Variants in EMSY observed in about 807,000 individuals in gnomAD.
EMSY encodes EMSY transcriptional repressor, BRCA2 interacting, also known as BRCA2-interacting transcriptional repressor EMSY.
A neutral mutation model predicts 134.6 loss-of-function variants in EMSY; 26 were observed. That is an observed-to-expected ratio of 0.19 (90% CI 0.14 to 0.27). The LOEUF is 0.27. Ranked by LOEUF, EMSY falls within the 10% of genes least tolerant of loss-of-function variation. EMSY has a pLI of 1.00. For synonymous variants in EMSY, 579 were observed against 577.8 expected, an observed-to-expected ratio of 1.00 and a Z score of -0.03; for missense variants, 1,305 against 1,611.4, an observed-to-expected ratio of 0.81 and a Z score of 3.26.
chr11:76,530,547 T>A (rs1290330255), intron 14 of EMSY, among the ~76,000 whole-genome samples: 2 of 152,220 alleles, frequency 1.3e-5, no homozygotes, highest in Non-Finnish European at 2.9e-5. Context: ...GCAGTTGCCA[T>A]TACTTTTAAT....
At chr11:76,493,607 AAG>A (rs1237026022) in intron 8 of EMSY, among the ~76,000 whole-genome samples, 1 of 152,160 alleles carries the variant, frequency 6.6e-6, no homozygotes, top group African/African-American at 2.4e-5. Flanking sequence ...AGACGTGGGG[AAG>A]ATCTGCCTGT....
chr11:76,515,859 G>A (rs1366551098), intron 10 of EMSY, among the ~76,000 whole-genome samples: 1 of 152,208 alleles, frequency 6.6e-6, no homozygotes, highest in Non-Finnish European at 1.5e-5. Flanking sequence ...AAGGGTAGTG[G>A]AAGAAGGGAA....
rs375154102 is a variant in EMSY at position 76,490,183 on chromosome 11, AT to A, written c.1109-6022del. Reference sequence around the variant, plus strand: ...TTCTTTTATTTATTTATTTTTATTGATTTTTTTTTTAAGGATTCCATTTTAT... The same window carrying A: ...TTCTTTTATTTATTTATTTTTATTGATTTTTTTTTAAGGATTCCATTTTAT... On this transcript the variant is annotated intron_variant, in intron 8 of 20. Coordinates refer to ENST00000334736, the Ensembl canonical transcript of EMSY. Among the ~76,000 whole-genome samples the A allele has an allele frequency of 2.7e-4, 40 of 146,304 alleles. 1 individual carries two copies. Among genetic ancestry groups the A allele is most frequent in the African/African-American group, 5.8e-4 (23 of 39,834 alleles).
intron 8 of EMSY, among the ~76,000 whole-genome samples, chr11:76,491,177 CTTTTTTTTTT>C (rs61688457): frequency 2.3e-5 from 3 of 129,916 alleles, no homozygotes; most frequent in African/African-American, 8.6e-5. Context: ...CTTCTTTTTT[CTTTTTTTTTT>C]TTTTTTTTAA....
exon 20 of EMSY, chr11:76,546,294 C>T (rs1951649600): frequency 6.2e-7 from 1 of 1,606,366 alleles, no homozygotes; most frequent in Non-Finnish European, 8.5e-7. Flanking sequence ...AAATTATCAT[C>T]CAGGTAAGAA....
intron 14 of EMSY, among the ~76,000 whole-genome samples, chr11:76,529,365 C>T (rs757824361): frequency 6.6e-6 from 1 of 152,132 alleles, no homozygotes; most frequent in Admixed American, 6.5e-5. Flanking sequence ...ACACAGTCTC[C>T]ATATTGTGCA....
intron 4 of EMSY, chr11:76,454,782 A>G: frequency 6.8e-7 from 1 of 1,467,196 alleles, no homozygotes; most frequent in Non-Finnish European, 9.2e-7. Context: ...GTGAAAGACC[A>G]AGTTACAGGT....
At chr11:76,543,671 C>T (rs567054167) in intron 18 of EMSY, among the ~76,000 whole-genome samples, 1 of 152,178 alleles carries the variant, frequency 6.6e-6, no homozygotes, top group African/African-American at 2.4e-5. Context: ...AGCCAGGGCT[C>T]TGGGATCTGA....
intron 17 of EMSY, among the ~76,000 whole-genome samples, chr11:76,540,155 TA>T (rs960480502): frequency 1.3e-5 from 2 of 152,126 alleles, no homozygotes; most frequent in Non-Finnish European, 2.9e-5. Flanking sequence ...CACTTCTTAA[TA>T]AAAAAATGCT....
At chr11:76,480,031 T>C (rs1231910538) in intron 8 of EMSY, among the ~76,000 whole-genome samples, 1 of 152,204 alleles carries the variant, frequency 6.6e-6, no homozygotes, top group Admixed American at 6.5e-5. Context: ...AAATTTGTGG[T>C]GATAAAGCAT....
intron 14 of EMSY, 93 bp from the exon 16 acceptor site, chr11:76,535,802 G>T: frequency 9.8e-7 from 1 of 1,023,164 alleles, no homozygotes; most frequent in Non-Finnish European, 1.3e-6. Context: ...TAAATAGAAA[G>T]ATAAGCAAAC....
chr11:76,523,655 G>A (rs76049370), intron 12 of EMSY, among the ~76,000 whole-genome samples: 2,451 of 146,042 alleles, frequency 0.017, 47 homozygotes, highest in East Asian at 0.093. Flanking sequence ...TGGGCAAAGA[G>A]AAATATGTGG....
At chr11:76,460,246 T>A in intron 6 of EMSY, 161 bp downstream of exon 7, 1 of 797,472 alleles carries the variant, frequency 1.3e-6, no homozygotes, top group Non-Finnish European at 2.0e-6. Context: ...TATGACTAGG[T>A]ATATATTGCT....
In EMSY at chr11:76,458,614, A is replaced by G. The variant is rs922969077; in HGVS notation, c.421+256A>G. The stretch of plus-strand genomic sequence containing the variant: ...AACCTCGGAATAGATTTTTGATATC[A>G]GTGTGTCTTGTTAAAAATGAATAGA... On this transcript the variant is annotated intron_variant, in intron 5 of 20. Transcript: ENST00000334736. The G allele has an allele frequency of 2.0e-5, 6 of 293,556 alleles. No homozygotes were observed. The East Asian group carries it at 4.1e-4, about 20-fold the overall frequency. The allele number at this position is 293,556 out of a possible 1,614,324, so 18.2% of individuals were successfully genotyped here.
chr11:76,489,315 C>CTTTTTTTTTTTTTTTTTT (rs57048007), intron 8 of EMSY, among the ~76,000 whole-genome samples: 1 of 128,170 alleles, frequency 7.8e-6, no homozygotes, highest in South Asian at 2.5e-4. Context: ...TTCTTGTTTT[C>CTTTTTTTTTTTTTTTTTT]TTTTTTTTTT....
Position 76,445,556 on chromosome 11 carries a change from A to T in EMSY, c.-40+428A>T, listed in dbSNP as rs528989600. Among the ~76,000 whole-genome samples the T allele has an allele frequency of 7.3e-5, 11 of 150,746 alleles. No individual in the cohort carries two copies. The East Asian group carries it at 1.8e-3, about 24-fold the overall frequency. On this transcript the variant is annotated intron_variant, in intron 1 of 20. Coordinates refer to ENST00000334736, the Ensembl canonical transcript of EMSY. ...TGCTCTTGTTGTGGTGCTGCTAGGG[A>T]GTGCGTGTTTGGAGAGGGGGCGGGG...
intron 9 of EMSY, among the ~76,000 whole-genome samples, chr11:76,511,460 G>T (rs566565997): frequency 6.6e-6 from 1 of 152,182 alleles, no homozygotes; most frequent in Admixed American, 6.5e-5. Flanking sequence ...CCCTTTGGGA[G>T]GCCAAGGCTG....
chr11:76,465,231 A>G (rs910391523), intron 7 of EMSY, among the ~76,000 whole-genome samples: 2 of 151,586 alleles, frequency 1.3e-5, no homozygotes, highest in African/African-American at 2.4e-5. Context: ...TCTCATTTCC[A>G]TTTTCCATTT....
intron 5 of EMSY, chr11:76,458,646 T>G: frequency 1.8e-5 from 4 of 220,782 alleles, no homozygotes; most frequent in East Asian, 1.1e-4. Context: ...TAGAAGGCCT[T>G]AATGGATGAC....
Sources: gnomAD v4.1 joint callset for allele counts (sites outside exome capture counted in the v4.1 genomes callset) on GRCh38, gnomAD v4.1.1 for gene constraint, MANE v1.5 for transcripts, NCBI Gene and HGNC (gene_info 2026-07-23, HGNC 2026-07-21) for gene names.